IDE: variants seen among roughly 807,000 people sequenced by gnomAD.
IDE encodes the protein insulin-degrading enzyme.
In IDE, 58 loss-of-function variants were observed where a neutral mutation model predicts 133.2. The ratio of observed to expected loss-of-function variants is 0.44; its 90% confidence interval spans 0.35 to 0.54. IDE has a LOEUF of 0.54. Among genes scored for constraint, IDE ranks in the 20% least tolerant of loss-of-function variants. The pLI is 0.00. For synonymous variants in IDE, 396 were observed against 421.3 expected (o/e 0.94, Z 0.73); for missense variants, 981 against 1,234.0 (o/e 0.79, Z 3.07).
At chr10:92,464,156 T>C (rs1472674334) in intron 20 of IDE, among the ~76,000 whole-genome samples, 153 bp from the exon 21 acceptor site, 1 of 152,214 alleles carries the variant, frequency 6.6e-6, no homozygotes, top group Admixed American at 6.5e-5. Flanking sequence ...TAAGATGGTT[T>C]CAGTTCCTAA....
intron 14 of IDE, among the ~76,000 whole-genome samples, chr10:92,481,384 G>A (rs1223586849): frequency 6.6e-6 from 1 of 152,158 alleles, no homozygotes; most frequent in Non-Finnish European, 1.5e-5. Context: ...TGAGGCTGCA[G>A]TAACTGCACT....
At chr10:92,478,812 A>G in intron 15 of IDE, 2 of 1,183,654 alleles carry the variant, frequency 1.7e-6, no homozygotes, top group Non-Finnish European at 2.1e-6. Flanking sequence ...AAAACAAAAG[A>G]AATGCTTTGA....
intron 2 of IDE, among the ~76,000 whole-genome samples, chr10:92,536,406 T>C (rs953889574): frequency 1.7e-5 from 2 of 115,512 alleles, no homozygotes; most frequent in African/African-American, 6.8e-5. Flanking sequence ...AAAAAAGAAA[T>C]GTGCACACAA....
intron 2 of IDE, among the ~76,000 whole-genome samples, 161 bp from the exon 3 acceptor site, chr10:92,534,946 T>C (rs999301815): frequency 6.6e-6 from 1 of 152,192 alleles, no homozygotes; most frequent in Non-Finnish European, 1.5e-5. Context: ...AGTAAATCAG[T>C]AGTCAGAAGA....
At chr10:92,534,102 G>A (rs139546168) in intron 3 of IDE, among the ~76,000 whole-genome samples, 12 of 151,482 alleles carry the variant, frequency 7.9e-5, no homozygotes, top group African/African-American at 2.7e-4. Flanking sequence ...ATATCCCCAC[G>A]GTTGACCAAG....
chr10:92,457,600 T>C (rs971735328), intron 22 of IDE, among the ~76,000 whole-genome samples: 1 of 152,172 alleles, frequency 6.6e-6, no homozygotes, highest in African/African-American at 2.4e-5. Context: ...AGCAGACTTC[T>C]ACTGTCTTTT....
rs575461619 is a variant in IDE at position 92,516,497 on chromosome 10, T to A, written c.662-1455A>T. Among the ~76,000 whole-genome samples, 11 of 152,148 alleles carry A rather than the reference T, an allele frequency of 7.2e-5. No individual in the cohort carries two copies. In the South Asian group the frequency reaches 1.5e-3, roughly 20 times the overall value. On this transcript the variant is annotated intron_variant, in intron 4 of 24. Transcript: ENST00000265986. ...AGAGTGAGACTCTGTCTCAAAAAAA[T>A]ATGTCTATATCTGTATCTATATCTC... is the stretch of plus-strand genomic sequence containing the variant.
chr10:92,480,380 C>A (rs948883341), intron 14 of IDE, among the ~76,000 whole-genome samples: 1 of 152,196 alleles, frequency 6.6e-6, no homozygotes, highest in Non-Finnish European at 1.5e-5. Flanking sequence ...AGTTGATAAT[C>A]TAGCTAGAGG....
At chr10:92,495,664 A>C (rs952087100) in intron 11 of IDE, among the ~76,000 whole-genome samples, 49 of 152,038 alleles carry the variant, frequency 3.2e-4, no homozygotes, top group African/African-American at 1.1e-3. Flanking sequence ...ATAATTTTTA[A>C]ATAGGGATTC....
intron 1 of IDE, among the ~76,000 whole-genome samples, chr10:92,539,140 A>C (rs960082978): frequency 1.3e-5 from 2 of 151,992 alleles, no homozygotes; most frequent in African/African-American, 4.8e-5. Context: ...ACAATTGATA[A>C]ATCAAAGGGG....
At position 92,534,714 on chromosome 10, in the gene IDE, T is replaced by C. The variant is rs1841901061; in HGVS notation, c.355A>G (p.Lys119Glu). Residue 119 changes from lysine to glutamate, a missense_variant, in exon 3 of 25, where the codon AAG (lysine) becomes GAG (glutamate). By Grantham distance (56) the Lys-to-Glu change is moderately conservative (BLOSUM62 1). Around this residue, in one of 2 missense-constraint regions of IDE, gnomAD observed 321 missense variants for 339.3 expected, o/e 0.95. Transcript: ENST00000265986. ...FCEHMLFLGT[K>E]KYPKENEYSQ... is the part of the protein sequence containing the mutation. ...TATTCATTTTCTTTAGGGTATTTCT[T>C]TGTTCCCAAAAAAAGCATATGTTCA... 6.2e-7 allele frequency: 1 copy of C among 1,613,812 alleles called. No homozygotes were observed.
chr10:92,465,332 C>G (rs1007531890), intron 20 of IDE, among the ~76,000 whole-genome samples: 3 of 152,174 alleles, frequency 2.0e-5, no homozygotes, highest in Admixed American at 2.0e-4. Context: ...TACCTGCCCT[C>G]AAGGAACTCA....
At chr10:92,510,968 A>G (rs1011746430) in intron 5 of IDE, among the ~76,000 whole-genome samples, 9 of 151,470 alleles carry the variant, frequency 5.9e-5, no homozygotes, top group African/African-American at 2.2e-4. Flanking sequence ...AGAAGAGGGC[A>G]CAGCAGTCAT....
chr10:92,552,905 G>A (rs943464348), intron 1 of IDE, among the ~76,000 whole-genome samples: 2 of 131,332 alleles, frequency 1.5e-5, no homozygotes, highest in African/African-American at 3.1e-5. Flanking sequence ...GGAACTAAGT[G>A]ATTGATTCAA....
In IDE at chr10:92,524,445, T is replaced by TAA. The variant is rs369893619; in HGVS notation, c.661+7302_661+7303insTT. 5.6e-3 allele frequency among the ~76,000 whole-genome samples: 74 copies of TAA among 13,228 alleles called. 7 individuals are homozygous for TAA. Among genetic ancestry groups the TAA allele is most frequent in the South Asian group, 0.014 (14 of 968 alleles). 8.7% of individuals were successfully genotyped at this position (13,228 alleles called of 152,430 possible). A position where few individuals can be genotyped will look rare whatever the true frequency, so the allele number is the denominator to read the frequency against. ...TATATAATATATTTTATATAATATA[T>TAA]TTTATATATTATATATTTTATATAA... On this transcript the variant is annotated intron_variant, in intron 4 of 24. Transcript: ENST00000265986.
chr10:92,469,905 T>C (rs922639587), intron 18 of IDE, among the ~76,000 whole-genome samples: 6 of 152,154 alleles, frequency 3.9e-5, no homozygotes, highest in African/African-American at 1.2e-4. Flanking sequence ...ATCTAGTATA[T>C]AGCAGAGCCA....
chr10:92,546,822 CT>C (rs1316229038), intron 1 of IDE, among the ~76,000 whole-genome samples: 1 of 152,082 alleles, frequency 6.6e-6, no homozygotes, highest in African/African-American at 2.4e-5. Context: ...TAACTAATAG[CT>C]AAGTATAACA....
At chr10:92,468,495 A>G (rs556563569) in intron 19 of IDE, among the ~76,000 whole-genome samples, 1 of 152,356 alleles carries the variant, frequency 6.6e-6, no homozygotes, top group African/African-American at 2.4e-5. Context: ...TGGGTTTCCT[A>G]AAACTATTTC....
At chr10:92,512,726 G>A (rs77072292) in intron 5 of IDE, among the ~76,000 whole-genome samples, 1 of 151,750 alleles carries the variant, frequency 6.6e-6, no homozygotes, top group African/African-American at 2.4e-5. Flanking sequence ...TTTACACCCT[G>A]GTTCTTGCTA....
Sources: gnomAD v4.1 joint callset for allele counts (sites outside exome capture counted in the v4.1 genomes callset) on GRCh38, gnomAD v4.1.1 for gene constraint, gnomAD v4.1.1 regional missense constraint, MANE v1.5 for transcripts, NCBI Gene and HGNC (gene_info 2026-07-23, HGNC 2026-07-21) for gene names.